The following ANKIB1 variants were observed in gnomAD, a reference collection of about 807,000 sequenced individuals.
The protein encoded by ANKIB1 is ankyrin repeat and IBR domain containing 1.
Under a neutral mutation model 122.1 loss-of-function variants are expected in ANKIB1, and 43 were observed. The observed-to-expected ratio is 0.35, with a 90% CI of 0.28 to 0.45. The LOEUF (loss-of-function observed/expected upper bound fraction) is 0.45. Ranked by LOEUF, ANKIB1 falls within the 20% of genes least tolerant of loss-of-function variation. The pLI is 1.00. For synonymous variants in ANKIB1, 390 were observed against 442.0 expected (o/e 0.88, Z 1.48); for missense variants, 992 against 1,329.5 (o/e 0.75, Z 3.95).
intron 3 of ANKIB1, among the ~76,000 whole-genome samples, chr7:92,314,569 T>C (rs2131943734): frequency 6.6e-6 from 1 of 152,330 alleles, no homozygotes; most frequent in East Asian, 1.9e-4. Context: ...GGGATTCTTA[T>C]TTAAAGCTTG....
intron 5 of ANKIB1, among the ~76,000 whole-genome samples, chr7:92,340,925 A>G (rs1418243541): frequency 2.0e-5 from 3 of 152,228 alleles, no homozygotes; most frequent in East Asian, 1.9e-4. Context: ...ACAGTGAACT[A>G]TAAGTTTATA....
At position 92,253,842 on chromosome 7, in the gene ANKIB1, G is replaced by A. The variant is rs1193862004; in HGVS notation, c.-91+7323G>A. On this transcript the variant is annotated intron_variant, in intron 1 of 19. Transcript: ENST00000265742. ...TCATAAATTTCTCCTGTTTTGGTAGGCATTCTTCTTTGCAGTGTGCCTTTG... is the reference window on the plus strand; with the variant it reads ...TCATAAATTTCTCCTGTTTTGGTAGACATTCTTCTTTGCAGTGTGCCTTTG... 2.6e-5 allele frequency among the ~76,000 whole-genome samples: 4 copies of A among 152,232 alleles called. No individual in the cohort carries two copies. In the South Asian group the frequency reaches 8.3e-4, roughly 32 times the overall value.
chr7:92,349,015 A>G (rs909915682), intron 7 of ANKIB1, among the ~76,000 whole-genome samples: 3 of 152,196 alleles, frequency 2.0e-5, no homozygotes, highest in African/African-American at 7.2e-5. Flanking sequence ...ATCATAAACT[A>G]TTTTGTCAAG....
At chr7:92,349,943 GGT>G (rs1803622573) in intron 7 of ANKIB1, among the ~76,000 whole-genome samples, 1 of 151,256 alleles carries the variant, frequency 6.6e-6, no homozygotes, top group Non-Finnish European at 1.5e-5. Flanking sequence ...AGGAGGCTGA[GGT>G]GGGAGGATCA....
intron 1 of ANKIB1, among the ~76,000 whole-genome samples, chr7:92,255,603 G>A (rs1287472533): frequency 6.6e-6 from 1 of 152,096 alleles, no homozygotes; most frequent in African/African-American, 2.4e-5. Flanking sequence ...TGGGGATGGG[G>A]CCAAGATAAA....
At chr7:92,353,339 G>C (rs1285960598) in intron 9 of ANKIB1, among the ~76,000 whole-genome samples, 1 of 152,140 alleles carries the variant, frequency 6.6e-6, no homozygotes, top group Non-Finnish European at 1.5e-5. Context: ...TGATAAATCA[G>C]TATTGGAAAG....
At chr7:92,360,883 G>A (rs951020087) in intron 9 of ANKIB1, among the ~76,000 whole-genome samples, 3 of 150,504 alleles carry the variant, frequency 2.0e-5, no homozygotes, top group African/African-American at 4.9e-5. Context: ...TTTTTTCCTC[G>A]AAATGGGGTC....
chr7:92,299,775 C>T (rs973774079), intron 2 of ANKIB1, among the ~76,000 whole-genome samples: 3 of 151,792 alleles, frequency 2.0e-5, no homozygotes, highest in African/African-American at 7.3e-5. Flanking sequence ...TTAATGTATC[C>T]ATATAAACAA....
At chr7:92,325,598 G>C (rs140075998) in intron 4 of ANKIB1, among the ~76,000 whole-genome samples, 23 of 151,116 alleles carry the variant, frequency 1.5e-4, no homozygotes, top group African/African-American at 5.3e-4. Context: ...ACTTTTAACA[G>C]TTACAGTTAC....
intron 1 of ANKIB1, among the ~76,000 whole-genome samples, chr7:92,291,567 CTTTTTTT>C (rs1188174295): frequency 8.6e-6 from 1 of 116,522 alleles, no homozygotes; most frequent in Non-Finnish European, 1.8e-5. Flanking sequence ...TTTTCTTTTT[CTTTTTTT>C]TTTTTTTTTT....
Position 92,295,110 on chromosome 7 carries a change from C to T in ANKIB1, c.132C>T (p.Tyr44=). ...CAAATACATCTTATGGGGAGCCCTA[C>T]CAGCACAATACTCCATTACATTATG... ...LDPNTSYGEP[Y]QHNTPLHYAA... is the part of the protein sequence containing the mutation. The change falls in exon 2 of 20, where the codon TAC becomes TAT. Residue 44 remains tyrosine, a synonymous_variant. Transcript: ENST00000265742. 1.9e-6 allele frequency: 3 copies of T among 1,576,704 alleles called. No individual in the cohort carries two copies. Among genetic ancestry groups the T allele is most frequent in the Non-Finnish European group, 2.6e-6 (3 of 1,160,146 alleles).
intron 11 of ANKIB1, among the ~76,000 whole-genome samples, chr7:92,381,354 A>G (rs1049501660): frequency 1.3e-5 from 2 of 152,214 alleles, no homozygotes; most frequent in Non-Finnish European, 2.9e-5. Flanking sequence ...CAACCTAGCA[A>G]GTCAAGCTAA....
At chr7:92,340,526 A>C (rs1803415620) in intron 5 of ANKIB1, among the ~76,000 whole-genome samples, 1 of 152,244 alleles carries the variant, frequency 6.6e-6, no homozygotes, top group South Asian at 2.1e-4. Context: ...CCAAGAAAAA[A>C]AAAGGATGAG....
At chr7:92,284,761 C>T (rs965987049) in intron 1 of ANKIB1, among the ~76,000 whole-genome samples, 1 of 151,932 alleles carries the variant, frequency 6.6e-6, no homozygotes, top group Non-Finnish European at 1.5e-5. Flanking sequence ...TACTTATGGC[C>T]CAGCTTAATA....
At chr7:92,247,490 A>C (rs1404782875) in intron 1 of ANKIB1, among the ~76,000 whole-genome samples, 4 of 152,168 alleles carry the variant, frequency 2.6e-5, no homozygotes, top group Non-Finnish European at 5.9e-5. Context: ...TGTATCAGCC[A>C]CTCACAGATG....
chr7:92,292,436 T>G (rs747396420), intron 1 of ANKIB1, among the ~76,000 whole-genome samples: 1 of 152,166 alleles, frequency 6.6e-6, no homozygotes, highest in African/African-American at 2.4e-5. Flanking sequence ...TTCTTAGATA[T>G]TTCTTTTTTT....
At chr7:92,312,571 A>G (rs902213669) in intron 3 of ANKIB1, among the ~76,000 whole-genome samples, 2 of 152,200 alleles carry the variant, frequency 1.3e-5, no homozygotes, top group African/African-American at 2.4e-5. Flanking sequence ...TGAATTGCTT[A>G]TAATTTTCGT....
intron 1 of ANKIB1, among the ~76,000 whole-genome samples, chr7:92,277,433 C>G (rs1022968456): frequency 1.3e-5 from 2 of 152,068 alleles, no homozygotes; most frequent in Non-Finnish European, 2.9e-5. Context: ...CAGATATAAC[C>G]CCATCATAAG....
intron 12 of ANKIB1, 30 bp from the exon 13 acceptor site, chr7:92,387,768 A>G (rs1248935965): frequency 1.3e-6 from 2 of 1,570,354 alleles, no homozygotes; most frequent in Non-Finnish European, 8.6e-7. Context: ...TAGTTTTTAT[A>G]AAAGTCATTT....
Sources: allele counts gnomAD v4.1 joint callset (sites outside exome capture counted in the v4.1 genomes callset), GRCh38; gene constraint gnomAD v4.1.1; transcripts MANE v1.5; gene names NCBI Gene and HGNC (gene_info 2026-07-23, HGNC 2026-07-21).